Variants in TRMT13 observed in about 807,000 individuals in gnomAD.
TRMT13 encodes tRNA methyltransferase 13.
In TRMT13, 45 loss-of-function variants were observed where a neutral mutation model predicts 55.9. The observed-to-expected ratio is 0.80, with a 90% CI of 0.63 to 1.03. The LOEUF (loss-of-function observed/expected upper bound fraction) is 1.03, where lower values mean the gene tolerates loss of function less well. Among genes scored for constraint, TRMT13 ranks in the 50% least tolerant of loss-of-function variants. The pLI, the probability that TRMT13 is intolerant of heterozygous loss-of-function variation, is 0.00. For missense variants in TRMT13, 513 were observed against 563.9 expected (o/e 0.91, Z 0.91); for synonymous variants, 183 against 196.3 (o/e 0.93, Z 0.57).
intron 1 of TRMT13, among the ~76,000 whole-genome samples, chr1:100,134,883 T>C (rs1231485798): frequency 2.0e-5 from 3 of 152,214 alleles, no homozygotes; most frequent in Non-Finnish European, 2.9e-5. Context: ...TACTATCTCG[T>C]TTTAAATTGT....
At chr1:100,148,367 A>C in intron 10 of TRMT13, 41 bp downstream of exon 10, 3 of 1,553,260 alleles carry the variant, frequency 1.9e-6, no homozygotes, top group Non-Finnish European at 2.6e-6. Context: ...TAAAGGAGAA[A>C]TATTATATTG....
chr1:100,148,649 G>A lies in TRMT13; in HGVS notation c.1275G>A (p.Lys425=), dbSNP rs1657615294. ...GGCTTCTTAGTGTTGAAGAAAAGAAGAAAATAGGGCATCTTTGTAAATTGC... is the reference window on the plus strand; with the variant it reads ...GGCTTCTTAGTGTTGAAGAAAAGAAAAAAATAGGGCATCTTTGTAAATTGC... ...LPGLLSVEEK[K]KIGHLCKLLI... The change falls in exon 11 of 11, where the codon AAG becomes AAA. Residue 425 remains lysine (K), a synonymous_variant. Coordinates refer to ENST00000370141, the MANE Select transcript of TRMT13 (RefSeq NM_019083.3). 6.2e-7 allele frequency: 1 copy of A among 1,609,402 alleles called. No homozygotes were observed. Among genetic ancestry groups the A allele is most frequent in the Non-Finnish European group, 8.5e-7 (1 of 1,178,952 alleles).
intron 8 of TRMT13, among the ~76,000 whole-genome samples, chr1:100,143,789 A>G (rs1303428042): frequency 6.6e-6 from 1 of 152,138 alleles, no homozygotes; most frequent in East Asian, 1.9e-4. Context: ...TATCTTTGCA[A>G]CCTCTTCCAT....
chr1:100,148,456 A>G, intron 10 of TRMT13, 130 bp downstream of exon 10: 2 of 1,121,338 alleles, frequency 1.8e-6, no homozygotes, highest in South Asian at 3.2e-5. Context: ...GCTAAAATAT[A>G]CACATCTTTT....
intron 1 of TRMT13, among the ~76,000 whole-genome samples, chr1:100,135,460 A>G (rs1284779330): frequency 6.6e-6 from 1 of 152,218 alleles, no homozygotes; most frequent in Non-Finnish European, 1.5e-5. Context: ...GCACATTCGA[A>G]CAGAAATAAA....
rs543040449 is a variant in TRMT13 at position 100,138,220 on chromosome 1, T to C, written c.261+1135T>C. On this transcript the variant is annotated intron_variant, in intron 3 of 10. Transcript: ENST00000370141. ...GTAAAGGCATATCACTATTCTGCTT[T>C]ACTTTGGGAAACTGGTGAACAATTT... 2.6e-3 allele frequency among the ~76,000 whole-genome samples: 392 copies of C among 152,346 alleles called. 1 individual carries two copies. Among genetic ancestry groups the C allele is most frequent in the Non-Finnish European group, 4.6e-3 (314 of 68,030 alleles).
chr1:100,146,450 A>C (rs1353974678), intron 9 of TRMT13, among the ~76,000 whole-genome samples: 1 of 152,196 alleles, frequency 6.6e-6, no homozygotes, highest in Non-Finnish European at 1.5e-5. Flanking sequence ...AGTTCTTTAT[A>C]AAAGATGAAT....
chr1:100,140,150 G>A (rs369076818), intron 4 of TRMT13, 32 bp from the exon 5 acceptor site: 279 of 1,515,412 alleles, frequency 1.8e-4, no homozygotes, highest in Non-Finnish European at 2.3e-4. Flanking sequence ...GCAATTTTTG[G>A]CTACATTATT....
Position 100,149,111 on chromosome 1 carries a change from A to T in TRMT13, c.*291A>T. On this transcript the variant is annotated 3_prime_UTR_variant, in exon 11 of 11. Coordinates refer to ENST00000370141, the MANE Select transcript of TRMT13 (RefSeq NM_019083.3). ...TGACTTGGTGATCTGAAACATACAT[A>T]ACATGTCAACACATAATTAGCGTAT... 1 of 1,593,232 alleles carries T rather than the reference A, an allele frequency of 6.3e-7. No homozygotes were observed.
chr1:100,148,458 A>C (rs113139260), intron 10 of TRMT13, 132 bp downstream of exon 10: 31 of 1,117,540 alleles, frequency 2.8e-5, no homozygotes, highest in Middle Eastern at 2.5e-4. Flanking sequence ...TAAAATATAC[A>C]CATCTTTTAT....
intron 8 of TRMT13, among the ~76,000 whole-genome samples, chr1:100,143,546 G>A (rs905454676): frequency 3.9e-5 from 6 of 152,180 alleles, no homozygotes; most frequent in South Asian, 4.1e-4. Context: ...TGCAGTTAAC[G>A]TGACTTTACC....
intron 9 of TRMT13, among the ~76,000 whole-genome samples, chr1:100,146,616 C>T (rs1023513892): frequency 6.6e-6 from 1 of 152,196 alleles, no homozygotes; most frequent in Admixed American, 6.5e-5. Context: ...AGCGATTCTC[C>T]TGCCTCAGCC....
At chr1:100,140,810 G>A (rs745930855) in intron 6 of TRMT13, 42 bp from the exon 7 acceptor site, 3 of 1,559,620 alleles carry the variant, frequency 1.9e-6, no homozygotes, top group Admixed American at 3.6e-5. Context: ...TGAACCAAAT[G>A]TGTTTACTCT....
chr1:100,144,943 C>G lies in TRMT13; in HGVS notation c.817+800C>G, dbSNP rs114549003. Among the ~76,000 whole-genome samples the G allele has an allele frequency of 2.3e-3, 352 of 152,188 alleles. 1 individual carries two copies. The highest frequency in any genetic ancestry group is 7.6e-3 in the African/African-American group (316 of 41,510). On this transcript the variant is annotated intron_variant, in intron 9 of 10. Coordinates refer to ENST00000370141, the MANE Select transcript of TRMT13 (RefSeq NM_019083.3). ...ATTGAGTACTATATATTTGTGTTGG[C>G]CTTCATAGTTTTTAAGACTATAGTC...
chr1:100,135,480 G>T (rs982593587), intron 1 of TRMT13, among the ~76,000 whole-genome samples: 1 of 152,116 alleles, frequency 6.6e-6, no homozygotes, highest in Non-Finnish European at 1.5e-5. Context: ...ATTTTTAAAA[G>T]AATAATAATA....
chr1:100,135,020 A>AT (rs1655624159), intron 1 of TRMT13, among the ~76,000 whole-genome samples: 1 of 152,042 alleles, frequency 6.6e-6, no homozygotes, highest in African/African-American at 2.4e-5. Context: ...ACTGGGACTG[A>AT]TTTTGCCTCC....
At chr1:100,140,706 A>G in intron 6 of TRMT13, 146 bp from the exon 7 acceptor site, 1 of 891,338 alleles carries the variant, frequency 1.1e-6, no homozygotes, top group South Asian at 1.8e-5. Context: ...TATATTAAAT[A>G]TTTAAAGGCA....
At chr1:100,140,105 A>C (rs2101727829) in intron 4 of TRMT13, 77 bp from the exon 5 acceptor site, 1 of 925,960 alleles carries the variant, frequency 1.1e-6, no homozygotes, top group African/African-American at 1.7e-5. Flanking sequence ...CCCAGTTGGT[A>C]AACCTCTACT....
At chr1:100,141,149 T>C (rs1254952839) in intron 7 of TRMT13, 130 bp downstream of exon 7, 1 of 835,356 alleles carries the variant, frequency 1.2e-6, no homozygotes, top group East Asian at 2.8e-5. Flanking sequence ...TGTAGCTTTT[T>C]ATTAGTTCTA....
Sources: allele counts gnomAD v4.1 joint callset (sites outside exome capture counted in the v4.1 genomes callset), GRCh38; gene constraint gnomAD v4.1.1; transcripts MANE v1.5; gene names NCBI Gene and HGNC (gene_info 2026-07-23, HGNC 2026-07-21).